Variants in DAB2IP observed in about 807,000 individuals in gnomAD.
The protein encoded by DAB2IP is disabled homolog 2-interacting protein.
Under a neutral mutation model 107.2 loss-of-function variants are expected in DAB2IP, and 28 were observed. The observed-to-expected ratio is 0.26, with a 90% CI of 0.19 to 0.36. The LOEUF is 0.36. Among genes scored for constraint, DAB2IP ranks in the 10% least tolerant of loss-of-function variants. DAB2IP has a pLI of 1.00. For synonymous variants in DAB2IP, 755 were observed against 706.4 expected, an observed-to-expected ratio of 1.07 and a Z score of -1.09; for missense variants, 1,400 against 1,644.7, an observed-to-expected ratio of 0.85 and a Z score of 2.57.
chr9:121,740,371 T>C (rs1735391809), intron 3 of DAB2IP, among the ~76,000 whole-genome samples: 1 of 152,202 alleles, frequency 6.6e-6, no homozygotes, highest in Non-Finnish European at 1.5e-5. Context: ...CTGTTGACCC[T>C]GTGTTCCCCC....
intron 10 of DAB2IP, among the ~76,000 whole-genome samples, chr9:121,769,898 G>A (rs1442087586): frequency 6.6e-6 from 1 of 152,236 alleles, no homozygotes; most frequent in South Asian, 2.1e-4. Flanking sequence ...TCTCAATTGC[G>A]TGCTCTATTG....
chr9:121,770,978 C>G (rs889579332), intron 11 of DAB2IP, among the ~76,000 whole-genome samples: 4 of 152,250 alleles, frequency 2.6e-5, no homozygotes, highest in East Asian at 3.9e-4. Context: ...AAAAGGCATT[C>G]TAGACAGAGG....
intron 3 of DAB2IP, 115 bp from the exon 4 acceptor site, chr9:121,756,898 T>TGGAGA: frequency 7.4e-7 from 1 of 1,352,626 alleles, no homozygotes; most frequent in Middle Eastern, 2.5e-4. Context: ...GGAGAGAGAG[T>TGGAGA]GGAGAGGAGT....
At chr9:121,655,860 C>T (rs745933755) in intron 1 of DAB2IP, among the ~76,000 whole-genome samples, 8 of 152,102 alleles carry the variant, frequency 5.3e-5, no homozygotes, top group Non-Finnish European at 1.0e-4. Context: ...GGTCCTCCTC[C>T]GTGCCTGTAC....
intron 14 of DAB2IP, among the ~76,000 whole-genome samples, chr9:121,778,224 A>C (rs1168679672): frequency 6.6e-6 from 1 of 152,212 alleles, no homozygotes; most frequent in Non-Finnish European, 1.5e-5. Flanking sequence ...ATATAAAAGC[A>C]CTAATTCCAT....
chr9:121,657,770 T>C (rs949976988), intron 1 of DAB2IP, among the ~76,000 whole-genome samples: 7 of 152,208 alleles, frequency 4.6e-5, no homozygotes, highest in African/African-American at 1.7e-4. Context: ...CATCCTTCTA[T>C]TTAATTCTGT....
At chr9:121,641,995 T>TTCTCTC (rs71370683) in intron 1 of DAB2IP, among the ~76,000 whole-genome samples, 840 of 34,630 alleles carry the variant, frequency 0.024, 36 homozygotes, top group Admixed American at 0.03. Context: ...TTTCTTTCCT[T>TTCTCTC]TCTCTCTCTC....
chr9:121,651,600 G>T lies in DAB2IP; in HGVS notation c.-176G>T, dbSNP rs567572059. ...CCGCGGGGCCGGCTGCTCGGGGAGC[G>T]GGAGGGGGCAGGAGGCGGAGGAGGA... On this transcript the variant is annotated 5_prime_UTR_variant, in exon 1 of 16. Coordinates refer to ENST00000408936, the Ensembl canonical transcript of DAB2IP. This position sits in a 1 kb window ranked among gnomAD's most constrained non-coding sequence, Gnocchi z 5.1. 55 of 991,690 alleles carry T rather than the reference G, an allele frequency of 5.5e-5. No individual in the cohort carries two copies. The highest frequency in any genetic ancestry group is 9.6e-5 in the South Asian group (2 of 20,756). 61.4% of individuals were successfully genotyped at this position (991,690 alleles called of 1,614,324 possible).
chr9:121,742,590 T>G (rs2118900294), intron 3 of DAB2IP, among the ~76,000 whole-genome samples: 1 of 152,226 alleles, frequency 6.6e-6, no homozygotes, highest in East Asian at 1.9e-4. Flanking sequence ...TTCCAGTAAC[T>G]AGGCAGGCCC....
chr9:121,750,326 C>T (rs768512942), intron 3 of DAB2IP, among the ~76,000 whole-genome samples: 10 of 151,888 alleles, frequency 6.6e-5, no homozygotes, highest in African/African-American at 9.7e-5. Context: ...TGTGTGCGCG[C>T]GCGCGTGTGT....
chr9:121,659,161 G>C (rs1833092096), intron 1 of DAB2IP, among the ~76,000 whole-genome samples: 2 of 152,230 alleles, frequency 1.3e-5, no homozygotes, highest in South Asian at 2.1e-4. Context: ...GAAGAGGAGA[G>C]AGTGGGGCCC....
chr9:121,687,643 C>T (rs138938005), intron 2 of DAB2IP, among the ~76,000 whole-genome samples: 18 of 152,304 alleles, frequency 1.2e-4, no homozygotes, highest in African/African-American at 4.3e-4. Context: ...GAATCCTGTT[C>T]TGCATAGTAC....
At chr9:121,682,184 G>C (rs1270613841) in intron 2 of DAB2IP, among the ~76,000 whole-genome samples, 4 of 152,130 alleles carry the variant, frequency 2.6e-5, no homozygotes, top group Admixed American at 1.3e-4. Context: ...TCACTTACAG[G>C]CTCCCAAAAG....
chr9:121,687,000 G>A (rs1167873268), intron 2 of DAB2IP, among the ~76,000 whole-genome samples: 1 of 152,186 alleles, frequency 6.6e-6, no homozygotes, highest in South Asian at 2.1e-4. Context: ...TAGGTGGTGA[G>A]TTCAGATGGA....
intron 1 of DAB2IP, among the ~76,000 whole-genome samples, chr9:121,579,470 C>T (rs1418505554): frequency 6.6e-6 from 1 of 152,168 alleles, no homozygotes; most frequent in Non-Finnish European, 1.5e-5. Flanking sequence ...CATCCCTCCT[C>T]ACATCTGTGT....
At chr9:121,655,944 C>T (rs368244851) in intron 1 of DAB2IP, among the ~76,000 whole-genome samples, 12 of 151,716 alleles carry the variant, frequency 7.9e-5, no homozygotes, top group African/African-American at 2.7e-4. Flanking sequence ...GGTTCCTAAC[C>T]AAGAGAACAG....
intron 1 of DAB2IP, among the ~76,000 whole-genome samples, chr9:121,597,978 T>C (rs1249719567): frequency 6.6e-6 from 1 of 152,224 alleles, no homozygotes; most frequent in Non-Finnish European, 1.5e-5. Flanking sequence ...TTCCCAGTGC[T>C]GGAGACCGGT....
intron 1 of DAB2IP, among the ~76,000 whole-genome samples, chr9:121,596,456 A>T (rs1284049621): frequency 6.6e-6 from 1 of 152,194 alleles, no homozygotes; most frequent in Non-Finnish European, 1.5e-5. Flanking sequence ...TCGAGGCCGC[A>T]GTGAGCTATG....
rs1162075496 is a variant in DAB2IP at position 121,684,802 on chromosome 9, A to C, written c.228+6021A>C. On this transcript the variant is annotated intron_variant, in intron 2 of 15. Transcript: ENST00000408936. This position sits in a 1 kb window ranked among gnomAD's most constrained non-coding sequence, Gnocchi z 4.0. ...GATCTGTCCCAGGGTATATGGGGAA[A>C]CTGAGGCCTGGAGAGGAGCAGCTTG... Among the ~76,000 whole-genome samples the C allele has an allele frequency of 6.6e-6, 1 of 152,192 alleles. No individual in the cohort carries two copies. The highest frequency in any genetic ancestry group is 2.1e-4 in the South Asian group (1 of 4,830).
Sources: allele counts gnomAD v4.1 joint callset (sites outside exome capture counted in the v4.1 genomes callset), GRCh38; gene constraint gnomAD v4.1.1; non-coding constraint Gnocchi (gnomAD v3.1); transcripts MANE v1.5; gene names NCBI Gene and HGNC (gene_info 2026-07-23, HGNC 2026-07-21).